SNX25: variants seen among roughly 807,000 people sequenced by gnomAD.
SNX25 encodes the protein sorting nexin-25.
A neutral mutation model predicts 113.7 loss-of-function variants in SNX25; 62 were observed. That is an observed-to-expected ratio of 0.55 (90% confidence interval 0.44 to 0.67). The LOEUF (loss-of-function observed/expected upper bound fraction) is 0.67. SNX25 is among the 30% of genes least tolerant of loss of function. The pLI, the probability that SNX25 is intolerant of heterozygous loss-of-function variation, is 0.00. For synonymous variants in SNX25, 421 were observed against 436.2 expected (o/e 0.97, Z 0.43); for missense variants, 1,014 against 1,161.0 (o/e 0.87, Z 1.84).
chr4:185,210,435 G>GCGGGCTCCGGGCTC lies in SNX25; in HGVS notation c.429+190_429+203dup, dbSNP rs572480487. Among the ~76,000 whole-genome samples the GCGGGCTCCGGGCTC allele has an allele frequency of 2.9e-5, 4 of 137,808 alleles. No homozygotes were observed. Among genetic ancestry groups the GCGGGCTCCGGGCTC allele is most frequent in the African/African-American group, 7.4e-5 (3 of 40,288 alleles). The allele number at this position is 137,808 out of a possible 152,430, so 90.4% of individuals were successfully genotyped here. On this transcript the variant is annotated intron_variant, in intron 1 of 18. Coordinates refer to ENST00000652585, the MANE Select transcript of SNX25 (RefSeq NM_001378034.2). The surrounding 1 kb of genome is among the most constrained non-coding windows in gnomAD (Gnocchi z 4.4). ...GAGCGTTCCCCGGCGCCCGCGCGCGGCGGGCTCCGGGCTCCGGGCTCCGCG... is the reference window on the plus strand; with the variant it reads ...GAGCGTTCCCCGGCGCCCGCGCGCGGCGGGCTCCGGGCTCCGGGCTCCGGGCTCCGGGCTCCGCG...
chr4:185,221,590 C>T (rs1560900480), intron 1 of SNX25, among the ~76,000 whole-genome samples: 1 of 152,088 alleles, frequency 6.6e-6, no homozygotes. Flanking sequence ...ATGTTGGCTC[C>T]CTCTTCCATT....
rs754857902 is a variant in SNX25, at chr4:185,332,588, C to G, written c.1750-7C>G. On this transcript the variant is annotated splice_region_variant and splice_polypyrimidine_tract_variant and intron_variant, in intron 9 of 18. Coordinates refer to ENST00000652585, the MANE Select transcript of SNX25 (RefSeq NM_001378034.2). ...TAAGATATGGTGGTATGTGACTCTCCCCCTAGGGCCCAAGAGATGAGGCTG... is the reference window on the plus strand; with the variant it reads ...TAAGATATGGTGGTATGTGACTCTCGCCCTAGGGCCCAAGAGATGAGGCTG... The G allele has an allele frequency of 6.2e-7, 1 of 1,602,210 alleles. No individual in the cohort carries two copies. The highest frequency in any genetic ancestry group is 2.2e-5 in the East Asian group (1 of 44,722).
chr4:185,245,135 A>C (rs533835631), intron 1 of SNX25, among the ~76,000 whole-genome samples: 68 of 151,964 alleles, frequency 4.5e-4, no homozygotes, highest in Non-Finnish European at 9.3e-4. Flanking sequence ...AATATTTCTC[A>C]CGTGAAAAAA....
chr4:185,317,648 AG>A (rs2095085230), intron 7 of SNX25, among the ~76,000 whole-genome samples: 1 of 152,252 alleles, frequency 6.6e-6, no homozygotes, highest in Admixed American at 6.5e-5. Context: ...GCCATAAAAA[AG>A]AATGAGTTCA....
At position 185,210,278 on chromosome 4, in the gene SNX25, C is replaced by G. The variant is rs1201097404; in HGVS notation, c.429+23C>G. The stretch of plus-strand genomic sequence containing the variant: ...GGGGTAAGTACCCGACTCCTGGCCG[C>G]CCAGCTCCGCCGGCCCTCCCCGCTT... On this transcript the variant is annotated intron_variant, in intron 1 of 18. Transcript: ENST00000652585. The surrounding 1 kb of genome is among the most constrained non-coding windows in gnomAD (Gnocchi z 4.4). 1.0e-6 allele frequency: 1 copy of G among 984,530 alleles called. No homozygotes were observed. The highest frequency in any genetic ancestry group is 1.2e-6 in the Non-Finnish European group (1 of 829,754). 61.0% of individuals were successfully genotyped at this position (984,530 alleles called of 1,614,324 possible). A position where few individuals can be genotyped will look rare whatever the true frequency, so the allele number is the denominator to read the frequency against.
intron 1 of SNX25, among the ~76,000 whole-genome samples, chr4:185,235,764 G>C (rs747249182): frequency 2.0e-5 from 3 of 152,176 alleles, no homozygotes; most frequent in Non-Finnish European, 4.4e-5. Context: ...GCTGGGATTG[G>C]TGTACACACC....
At chr4:185,292,502 G>T (rs1472270051) in intron 6 of SNX25, among the ~76,000 whole-genome samples, 1 of 152,040 alleles carries the variant, frequency 6.6e-6, no homozygotes, top group Non-Finnish European at 1.5e-5. Flanking sequence ...AAATTCAAGC[G>T]ATTCTCCTGC....
At chr4:185,375,651 C>A in the SNX25 span, 1 of 1,612,036 alleles carries the variant, frequency 6.2e-7, no homozygotes, top group Admixed American at 1.7e-5. Flanking sequence ...TAGTACATCA[C>A]TCCTAGCTGG....
intron 6 of SNX25, among the ~76,000 whole-genome samples, chr4:185,294,146 A>G (rs1310162154): frequency 6.6e-6 from 1 of 152,192 alleles, no homozygotes; most frequent in African/African-American, 2.4e-5. Flanking sequence ...GCTGTCAGTT[A>G]GTGTAAATCA....
intron 13 of SNX25, among the ~76,000 whole-genome samples, chr4:185,348,617 G>A (rs918398650): frequency 1.3e-5 from 2 of 152,052 alleles, no homozygotes; most frequent in African/African-American, 2.4e-5. Flanking sequence ...GGCAGGTCTC[G>A]AACTCCTGAC....
chr4:185,335,663 G>GT (rs1349817631), intron 10 of SNX25, among the ~76,000 whole-genome samples: 2 of 151,604 alleles, frequency 1.3e-5, no homozygotes, highest in Non-Finnish European at 2.9e-5. Flanking sequence ...TTTGTTTTTT[G>GT]TTTTTTGCCT....
At chr4:185,224,408 TAGATATATAA>T (rs1266695578) in intron 1 of SNX25, among the ~76,000 whole-genome samples, 5 of 144,064 alleles carry the variant, frequency 3.5e-5, no homozygotes, top group African/African-American at 1.3e-4. Flanking sequence ...TAAAAATATA[TAGATATATAA>T]AAATATATAA....
At chr4:185,217,841 C>G (rs1464409297) in intron 1 of SNX25, among the ~76,000 whole-genome samples, 1 of 152,148 alleles carries the variant, frequency 6.6e-6, no homozygotes, top group Non-Finnish European at 1.5e-5. Context: ...GCTGTTAGGA[C>G]TGAAATAATT....
the SNX25 span, chr4:185,378,207 T>C: frequency 6.2e-7 from 1 of 1,606,544 alleles, no homozygotes; most frequent in South Asian, 1.1e-5. Flanking sequence ...CAATGTGTAT[T>C]CTATAAGCAA....
Position 185,361,827 on chromosome 4 carries a change from C to T in SNX25, c.2652-97C>T. 3.9e-6 allele frequency: 4 copies of T among 1,037,962 alleles called. No individual in the cohort carries two copies. In the South Asian group the frequency reaches 7.6e-5, roughly 20 times the overall value. The allele number at this position is 1,037,962 out of a possible 1,614,324, so 64.3% of individuals were successfully genotyped here. Reference sequence around the variant, plus strand: ...TAGTTTATTCATCAAACACTTAGATCAGGCTGTATCTTAACCTTCGTATTG... The same window carrying T: ...TAGTTTATTCATCAAACACTTAGATTAGGCTGTATCTTAACCTTCGTATTG... On this transcript the variant is annotated intron_variant, in intron 16 of 18. Transcript: ENST00000652585.
chr4:185,331,926 A>T (rs1048802853), intron 9 of SNX25, among the ~76,000 whole-genome samples: 16 of 152,256 alleles, frequency 1.1e-4, no homozygotes, highest in African/African-American at 3.9e-4. Context: ...GTTAAGGATA[A>T]ACCAGAAGCT....
At chr4:185,308,776 G>C (rs1754845186) in intron 6 of SNX25, among the ~76,000 whole-genome samples, 1 of 152,008 alleles carries the variant, frequency 6.6e-6, no homozygotes. Flanking sequence ...GTTTATCTCA[G>C]TTGTGTCTAG....
intron 2 of SNX25, among the ~76,000 whole-genome samples, chr4:185,254,193 CT>C (rs536224107): frequency 3.3e-5 from 5 of 149,284 alleles, no homozygotes; most frequent in Admixed American, 6.7e-5. Context: ...AATATGTATA[CT>C]TTTTTTTTTG....
intron 9 of SNX25, among the ~76,000 whole-genome samples, chr4:185,327,969 C>T (rs1002718590): frequency 5.9e-5 from 9 of 152,194 alleles, no homozygotes; most frequent in African/African-American, 2.2e-4. Flanking sequence ...GTTCTTAAGA[C>T]ATTTCTGATC....
Sources: allele counts gnomAD v4.1 joint callset (sites outside exome capture counted in the v4.1 genomes callset), GRCh38; gene constraint gnomAD v4.1.1; non-coding constraint Gnocchi (gnomAD v3.1); transcripts MANE v1.5; gene names NCBI Gene and HGNC (gene_info 2026-07-23, HGNC 2026-07-21).